The following SMOC2 variants were observed in gnomAD, a reference collection of about 807,000 sequenced individuals.
SMOC2 encodes SPARC related modular calcium binding 2, also known as SPARC-related modular calcium-binding protein 2.
In SMOC2, 39 loss-of-function variants were observed where a neutral mutation model predicts 61.4. That is an observed-to-expected ratio of 0.64 (90% CI 0.49 to 0.83). The LOEUF is 0.83. Ranked by LOEUF, SMOC2 falls within the 40% of genes least tolerant of loss-of-function variation. The probability of loss-of-function intolerance (pLI) is 0.00; values close to 1 mark genes in which losing one functional copy is unlikely to be tolerated. For missense variants in SMOC2, 556 were observed against 592.9 expected (o/e 0.94, Z 0.65); for synonymous variants, 247 against 239.9 (o/e 1.03, Z -0.27).
rs527617848 is a variant in SMOC2, at chr6:168,640,339, GGGAAGCATGGAGA to G, written c.908-10331_908-10319del. Among the ~76,000 whole-genome samples, 15 of 152,280 alleles carry G rather than the reference GGGAAGCATGGAGA, an allele frequency of 9.9e-5. No homozygotes were observed. In the South Asian group the frequency reaches 2.9e-3, roughly 29 times the overall value. ...CTGACTGTCAGCTGGATAAGGGAAGGGGAAGCATGGAGAGGAAGCATGGGGCAGGCTGCGGCGG... is the reference window on the plus strand; with the variant it reads ...CTGACTGTCAGCTGGATAAGGGAAGGGGAAGCATGGGGCAGGCTGCGGCGG... On this transcript the variant is annotated intron_variant, in intron 9 of 12. Transcript: ENST00000356284.
intron 7 of SMOC2, among the ~76,000 whole-genome samples, chr6:168,583,167 G>GA (rs950389559): frequency 4.7e-4 from 71 of 152,334 alleles, no homozygotes; most frequent in Admixed American, 4.6e-4. Context: ...CAGGTGGAAG[G>GA]AAAAAAACTA....
At chr6:168,442,420 G>A (rs565768059) in intron 1 of SMOC2, among the ~76,000 whole-genome samples, 2 of 152,364 alleles carry the variant, frequency 1.3e-5, no homozygotes, top group East Asian at 3.9e-4. Flanking sequence ...GGCCAAGGCC[G>A]GGTGTCTGCA....
intron 1 of SMOC2, among the ~76,000 whole-genome samples, chr6:168,482,322 G>T (rs2115024418): frequency 6.6e-6 from 1 of 152,092 alleles, no homozygotes; most frequent in African/African-American, 2.4e-5. Context: ...GGATAATCTA[G>T]TTAAAATGGA....
chr6:168,492,666 CAA>C (rs1321399129), intron 1 of SMOC2, among the ~76,000 whole-genome samples: 1 of 152,220 alleles, frequency 6.6e-6, no homozygotes, highest in East Asian at 1.9e-4. Flanking sequence ...CTTTCAGTCT[CAA>C]GATGACGTGA....
chr6:168,595,889 C>G (rs1785317750), intron 7 of SMOC2, among the ~76,000 whole-genome samples: 1 of 152,254 alleles, frequency 6.6e-6, no homozygotes, highest in Admixed American at 6.5e-5. Context: ...AGAACAATTT[C>G]TATAGATGCA....
intron 1 of SMOC2, among the ~76,000 whole-genome samples, chr6:168,464,281 T>TGGAAGGAAGGAAGGAC (rs1475155413): frequency 6.1e-5 from 9 of 146,868 alleles, no homozygotes; most frequent in African/African-American, 2.3e-4. Context: ...GAAGGAAGGA[T>TGGAAGGAAGGAAGGAC]GGAAGGAAGG....
intron 4 of SMOC2, among the ~76,000 whole-genome samples, chr6:168,542,979 A>C (rs1327245270): frequency 6.6e-6 from 1 of 152,254 alleles, no homozygotes; most frequent in Non-Finnish European, 1.5e-5. Context: ...AACTGCCAGT[A>C]AACTCTGAGA....
chr6:168,461,814 A>G (rs1264287096), intron 1 of SMOC2, among the ~76,000 whole-genome samples: 1 of 152,076 alleles, frequency 6.6e-6, no homozygotes, highest in Non-Finnish European at 1.5e-5. Context: ...CCCTACCCAT[A>G]TTGTTACAAT....
chr6:168,567,924 C>T (rs941474689), intron 7 of SMOC2, among the ~76,000 whole-genome samples: 5 of 151,332 alleles, frequency 3.3e-5, no homozygotes, highest in African/African-American at 7.3e-5. Context: ...TGGTGTGAGT[C>T]GGTGTCTCAT....
intron 4 of SMOC2, among the ~76,000 whole-genome samples, chr6:168,529,896 G>C (rs975207344): frequency 6.6e-6 from 1 of 152,220 alleles, no homozygotes; most frequent in Non-Finnish European, 1.5e-5. Context: ...TAGGCGCCAG[G>C]GAGCTGGACC....
At chr6:168,615,158 C>T (rs1429319962) in intron 9 of SMOC2, among the ~76,000 whole-genome samples, 1 of 55,346 alleles carries the variant, frequency 1.8e-5, no homozygotes, top group African/African-American at 7.6e-5. Flanking sequence ...CCTCTTCACA[C>T]CTACAGCCAG....
intron 9 of SMOC2, among the ~76,000 whole-genome samples, chr6:168,616,564 A>G (rs1020178737): frequency 3.9e-5 from 6 of 152,242 alleles, no homozygotes; most frequent in Non-Finnish European, 2.9e-5. Context: ...CACTTGGAAG[A>G]GAGAGCTGAA....
At chr6:168,659,666 C>CTGGGTGAGGGTGGAGGTTGTAGGT (rs1787439537) in intron 11 of SMOC2, among the ~76,000 whole-genome samples, 2 of 40,488 alleles carry the variant, frequency 4.9e-5, no homozygotes, top group South Asian at 1.3e-3. Context: ...AGGTTGTAGG[C>CTGGGTGAGGGTGGAGGTTGTAGGT]TGGGTGAGGG....
At chr6:168,664,265 A>G (rs2115294927) in intron 12 of SMOC2, 154 bp downstream of exon 12, 1 of 701,792 alleles carries the variant, frequency 1.4e-6, no homozygotes, top group Non-Finnish European at 2.5e-6. Flanking sequence ...ACTACACCCT[A>G]TGGGGACTAA....
rs545507526 is a variant in SMOC2, at chr6:168,518,752, T to G, written c.257-7594T>G. Among the ~76,000 whole-genome samples the G allele has an allele frequency of 4.7e-5, 7 of 149,356 alleles. No individual in the cohort carries two copies. In the South Asian group the frequency reaches 1.3e-3, roughly 28 times the overall value. Reference sequence around the variant, plus strand: ...GTGTGCATGTGTGTGAATGTGCATGTGTGTGTGTTCATGTGCGTGTGTGCA... The same window carrying G: ...GTGTGCATGTGTGTGAATGTGCATGGGTGTGTGTTCATGTGCGTGTGTGCA... On this transcript the variant is annotated intron_variant, in intron 2 of 12. Transcript: ENST00000356284.
intron 1 of SMOC2, among the ~76,000 whole-genome samples, chr6:168,500,441 G>A (rs751055818): frequency 1.3e-5 from 2 of 152,096 alleles, no homozygotes; most frequent in Non-Finnish European, 2.9e-5. Context: ...CTGTTGACTC[G>A]GGTGGAAGGA....
At chr6:168,634,876 T>C (rs2115251826) in intron 9 of SMOC2, among the ~76,000 whole-genome samples, 1 of 152,388 alleles carries the variant, frequency 6.6e-6, no homozygotes, top group Admixed American at 6.5e-5. Context: ...TTTCTAAGCA[T>C]TATTTCAACA....
intron 9 of SMOC2, among the ~76,000 whole-genome samples, chr6:168,648,821 GTGCTTCAAGAGCAAT>G (rs1002364887): frequency 6.6e-6 from 1 of 152,218 alleles, no homozygotes; most frequent in African/African-American, 2.4e-5. Context: ...CAGCTCACGT[GTGCTTCAAGAGCAAT>G]CACACAAAAC....
chr6:168,655,563 A>G (rs902035270), intron 11 of SMOC2: 1 of 379,472 alleles, frequency 2.6e-6, no homozygotes, highest in South Asian at 1.9e-5. Flanking sequence ...GCTGGATCCT[A>G]CTGCATGTGT....
Sources: gnomAD v4.1 joint callset for allele counts (sites outside exome capture counted in the v4.1 genomes callset) on GRCh38, gnomAD v4.1.1 for gene constraint, MANE v1.5 for transcripts, NCBI Gene and HGNC (gene_info 2026-07-23, HGNC 2026-07-21) for gene names.